Variants in CTNND2 observed in about 807,000 individuals in gnomAD.
CTNND2 encodes the protein catenin delta 2, also known as catenin delta-2.
In CTNND2, 22 loss-of-function variants were observed where a neutral mutation model predicts 144.4. The ratio of observed to expected loss-of-function variants is 0.15; its 90% CI spans 0.11 to 0.22. The LOEUF is 0.22. CTNND2 is among the 10% of genes least tolerant of loss of function. The pLI is 1.00. For missense variants in CTNND2, 1,353 were observed against 1,618.8 expected (o/e 0.84, Z 2.82); for synonymous variants, 751 against 695.6 (o/e 1.08, Z -1.25).
At chr5:11,069,649 AAG>A (rs5865917) in intron 16 of CTNND2, among the ~76,000 whole-genome samples, 112,826 of 151,212 alleles carry the variant, frequency 0.75, 42,748 homozygotes, top group East Asian at 0.92. Flanking sequence ...AAACAAAGGA[AAG>A]AGAGAGAGAG....
chr5:11,903,232 C>G lies in CTNND2; in HGVS notation c.37+585G>C, dbSNP rs1265669383. ...TCTATTGTCAGCACGCAGAAGCCCC[C>G]GAAACCTGTGAAGCCGGCTGCAAAG... On this transcript the variant is annotated intron_variant, in intron 1 of 21. Transcript: ENST00000304623. The surrounding 1 kb of genome is among the most constrained non-coding windows in gnomAD (Gnocchi z 5.4). 2 of 985,458 alleles carry G rather than the reference C, an allele frequency of 2.0e-6. No individual in the cohort carries two copies. Among genetic ancestry groups the G allele is most frequent in the Middle Eastern group, 5.2e-4 (1 of 1,916 alleles). 61.0% of individuals were successfully genotyped at this position (985,458 alleles called of 1,614,324 possible).
intron 3 of CTNND2, among the ~76,000 whole-genome samples, chr5:11,472,929 T>C (rs1306427512): frequency 6.6e-6 from 1 of 152,046 alleles, no homozygotes; most frequent in Non-Finnish European, 1.5e-5. Flanking sequence ...AAAAAATTAT[T>C]TGGGCATGGT....
At chr5:11,862,533 T>C (rs1414404669) in intron 1 of CTNND2, among the ~76,000 whole-genome samples, 1 of 152,174 alleles carries the variant, frequency 6.6e-6, no homozygotes, top group Non-Finnish European at 1.5e-5. Context: ...ACTAGAAAAC[T>C]TGATGCATTT....
At position 11,316,468 on chromosome 5, in the gene CTNND2, TTTATTATTATTA is replaced by T. The variant is rs57708081; in HGVS notation, c.1628+29892_1628+29903del. Among the ~76,000 whole-genome samples, 422 of 73,400 alleles carry T rather than the reference TTTATTATTATTA, an allele frequency of 5.7e-3. 2 individuals are homozygous for T. The highest frequency in any genetic ancestry group is 9.9e-3 in the African/African-American group (315 of 31,960). 48.2% of individuals were successfully genotyped at this position (73,400 alleles called of 152,430 possible). On this transcript the variant is annotated intron_variant, in intron 9 of 21. Transcript: ENST00000304623. The stretch of plus-strand genomic sequence containing the variant: ...AGGTAGGTACTCTTATCCACTATTT[TTTATTATTATTA>T]TTATTATTATTATTATTATTATTAT...
At chr5:11,561,861 G>A (rs549375729) in intron 3 of CTNND2, among the ~76,000 whole-genome samples, 1 of 152,096 alleles carries the variant, frequency 6.6e-6, no homozygotes, top group Non-Finnish European at 1.5e-5. Context: ...GGCCAACATG[G>A]TGAAACCCTG....
intron 16 of CTNND2, among the ~76,000 whole-genome samples, chr5:11,068,778 G>A (rs1012058478): frequency 2.0e-5 from 3 of 152,142 alleles, no homozygotes; most frequent in African/African-American, 4.8e-5. Context: ...TTATCCGGGC[G>A]TGGTGGCGGG....
intron 18 of CTNND2, among the ~76,000 whole-genome samples, chr5:11,004,406 G>A (rs1740262246): frequency 3.9e-5 from 6 of 152,174 alleles, no homozygotes; most frequent in Admixed American, 2.0e-4. Flanking sequence ...CATCACTGGG[G>A]AACAAATTCG....
At chr5:11,450,923 A>AAAAAG (rs397932940) in intron 3 of CTNND2, among the ~76,000 whole-genome samples, 1 of 138,958 alleles carries the variant, frequency 7.2e-6, no homozygotes. Flanking sequence ...AAAAAAAAAA[A>AAAAAG]TGTGTTCCAA....
At chr5:11,545,218 G>T (rs1775126199) in intron 3 of CTNND2, among the ~76,000 whole-genome samples, 1 of 150,690 alleles carries the variant, frequency 6.6e-6, no homozygotes, top group Non-Finnish European at 1.5e-5. Flanking sequence ...GCTACTAGGA[G>T]GGCTGTGGAA....
chr5:11,104,470 GC>G (rs1232457136), intron 14 of CTNND2, among the ~76,000 whole-genome samples: 1 of 152,100 alleles, frequency 6.6e-6, no homozygotes, highest in Non-Finnish European at 1.5e-5. Context: ...TCCACCGTCT[GC>G]CACTCTTGCT....
At chr5:11,739,721 G>A (rs1023198943) in intron 1 of CTNND2, among the ~76,000 whole-genome samples, 1 of 152,064 alleles carries the variant, frequency 6.6e-6, no homozygotes, top group African/African-American at 2.4e-5. Flanking sequence ...AGAAATAACG[G>A]GTATTCAATT....
intron 11 of CTNND2, among the ~76,000 whole-genome samples, chr5:11,185,642 C>T (rs1330491105): frequency 6.6e-6 from 1 of 152,152 alleles, no homozygotes; most frequent in African/African-American, 2.4e-5. Context: ...AAGAGTTTTG[C>T]ATGTGCAAAA....
intron 16 of CTNND2, among the ~76,000 whole-genome samples, chr5:11,067,542 G>A (rs568374005): frequency 2.0e-5 from 3 of 152,292 alleles, no homozygotes; most frequent in African/African-American, 7.2e-5. Context: ...GACTGGAGCT[G>A]GGAAAAGGTG....
At chr5:11,621,833 T>A (rs1271287277) in intron 2 of CTNND2, among the ~76,000 whole-genome samples, 2 of 152,200 alleles carry the variant, frequency 1.3e-5, no homozygotes, top group East Asian at 3.9e-4. Flanking sequence ...ATGCTAAGGA[T>A]TGCCTCATTA....
At chr5:11,843,364 G>A (rs1794572635) in intron 1 of CTNND2, among the ~76,000 whole-genome samples, 1 of 152,138 alleles carries the variant, frequency 6.6e-6, no homozygotes, top group South Asian at 2.1e-4. Flanking sequence ...TGACATTCAG[G>A]TTTGCAAATG....
At chr5:11,282,166 A>G (rs2149998327) in intron 9 of CTNND2, among the ~76,000 whole-genome samples, 1 of 152,270 alleles carries the variant, frequency 6.6e-6, no homozygotes, top group South Asian at 2.1e-4. Flanking sequence ...GGACAGGGCC[A>G]TGGGCTGAAA....
At chr5:11,451,301 A>T (rs918302426) in intron 3 of CTNND2, among the ~76,000 whole-genome samples, 2 of 152,134 alleles carry the variant, frequency 1.3e-5, no homozygotes, top group Non-Finnish European at 1.5e-5. Flanking sequence ...GCATCACATT[A>T]CCCCAACATT....
chr5:11,257,188 AT>A (rs1369724726), intron 9 of CTNND2, among the ~76,000 whole-genome samples: 1 of 152,154 alleles, frequency 6.6e-6, no homozygotes, highest in Non-Finnish European at 1.5e-5. Flanking sequence ...AATCTCAGTG[AT>A]TTTTGGTCCA....
intron 1 of CTNND2, among the ~76,000 whole-genome samples, chr5:11,832,307 AC>A (rs1022853765): frequency 5.9e-5 from 9 of 152,088 alleles, no homozygotes; most frequent in Admixed American, 1.3e-4. Flanking sequence ...GAAAAAAAAA[AC>A]GAAAGCTCTG....
Sources: gnomAD v4.1 joint callset for allele counts (sites outside exome capture counted in the v4.1 genomes callset) on GRCh38, gnomAD v4.1.1 for gene constraint, Gnocchi (gnomAD v3.1) non-coding constraint, MANE v1.5 for transcripts, NCBI Gene and HGNC (gene_info 2026-07-23, HGNC 2026-07-21) for gene names.